Variants in ARIH1 observed in about 807,000 individuals in gnomAD.
ARIH1 encodes E3 ubiquitin-protein ligase ARIH1.
In ARIH1, 8 loss-of-function variants were observed where a neutral mutation model predicts 85.0. That is an observed-to-expected ratio of 0.09 (90% CI 0.06 to 0.17). The LOEUF (loss-of-function observed/expected upper bound fraction) is 0.17. ARIH1 is among the 10% of genes least tolerant of loss of function. The probability of loss-of-function intolerance (pLI) is 1.00; values close to 1 mark genes in which losing one functional copy is unlikely to be tolerated. For synonymous variants in ARIH1, 238 were observed against 253.6 expected (o/e 0.94, Z 0.59); for missense variants, 311 against 718.1 (o/e 0.43, Z 6.48).
intron 3 of ARIH1, among the ~76,000 whole-genome samples, chr15:72,551,848 A>G (rs1297540549): frequency 6.6e-6 from 1 of 152,234 alleles, no homozygotes; most frequent in South Asian, 2.1e-4. Flanking sequence ...CAGAAAAAGA[A>G]ATATACAGTG....
intron 1 of ARIH1, among the ~76,000 whole-genome samples, chr15:72,495,218 G>A (rs1041476689): frequency 3.9e-5 from 6 of 152,134 alleles, no homozygotes; most frequent in Non-Finnish European, 8.8e-5. Flanking sequence ...GAGGCTGAGT[G>A]GGGGAAATGG....
chr15:72,532,711 A>G (rs2064063187), intron 2 of ARIH1, among the ~76,000 whole-genome samples: 1 of 152,230 alleles, frequency 6.6e-6, no homozygotes, highest in Non-Finnish European at 1.5e-5. Flanking sequence ...ATATTAGCAA[A>G]TTGAATTCAG....
intron 2 of ARIH1, among the ~76,000 whole-genome samples, chr15:72,529,504 CA>C (rs1243733509): frequency 2.0e-5 from 3 of 152,164 alleles, no homozygotes; most frequent in Non-Finnish European, 2.9e-5. Flanking sequence ...TGCACCCTGC[CA>C]GGAATTTTTT....
intron 2 of ARIH1, among the ~76,000 whole-genome samples, chr15:72,523,422 G>T (rs779604575): frequency 6.6e-6 from 1 of 152,010 alleles, no homozygotes; most frequent in Non-Finnish European, 1.5e-5. Context: ...CCACCTATGT[G>T]ACACTCTGGA....
chr15:72,486,094 T>A (rs2063836448), intron 1 of ARIH1, among the ~76,000 whole-genome samples: 1 of 152,232 alleles, frequency 6.6e-6, no homozygotes, highest in Non-Finnish European at 1.5e-5. Context: ...AGTTTCTTTC[T>A]AAATTTTTAA....
chr15:72,521,212 C>T (rs1422859356), intron 2 of ARIH1, among the ~76,000 whole-genome samples: 1 of 78,034 alleles, frequency 1.3e-5, no homozygotes, highest in Non-Finnish European at 2.5e-5. Flanking sequence ...CCCCCCCCCC[C>T]CTTTTCTGGC....
chr15:72,556,724 C>A (rs1474616429), intron 5 of ARIH1, among the ~76,000 whole-genome samples: 1 of 152,186 alleles, frequency 6.6e-6, no homozygotes, highest in East Asian at 1.9e-4. Flanking sequence ...CCCACCCTAC[C>A]CACTCTAGTA....
At chr15:72,566,301 AATT>A (rs2064220652) in intron 7 of ARIH1, 4 of 427,574 alleles carry the variant, frequency 9.4e-6, no homozygotes, top group Non-Finnish European at 1.7e-5. Context: ...CCTTAGCAAC[AATT>A]ATTATGAAAT....
rs72735178 is a variant in ARIH1, at chr15:72,567,312, T to C, written c.1026+135T>C. On this transcript the variant is annotated intron_variant, in intron 9 of 13. Transcript: ENST00000379887. Reference sequence around the variant, plus strand: ...TCTCCATTGAGTCTTTTTTTTTTTTTCCCAGAATGTTTGCCTGTTATTTCC... The same window carrying C: ...TCTCCATTGAGTCTTTTTTTTTTTTCCCCAGAATGTTTGCCTGTTATTTCC... The C allele has an allele frequency of 3.0e-3, 1,922 of 640,694 alleles. 6 individuals carry two copies. The highest frequency in any genetic ancestry group is 4.1e-3 in the Non-Finnish European group (1,557 of 381,562). 39.7% of individuals were successfully genotyped at this position (640,694 alleles called of 1,614,324 possible).
intron 3 of ARIH1, among the ~76,000 whole-genome samples, chr15:72,553,258 ATAT>A (rs1487443985): frequency 7.2e-5 from 11 of 152,290 alleles, no homozygotes; most frequent in East Asian, 1.9e-4. Context: ...AGATCATCTA[ATAT>A]TATTTAAAGT....
Position 72,580,861 on chromosome 15 carries a change from A to G in ARIH1, c.1346A>G (p.Asn449Ser). 6.2e-7 allele frequency: 1 copy of G among 1,614,164 alleles called. No homozygotes were observed. Among genetic ancestry groups the G allele is most frequent in the Non-Finnish European group, 8.5e-7 (1 of 1,180,008 alleles). ...KQKMEEMQQH[N>S]MSWIEVQFLK... ...AAAATGGAGGAGATGCAGCAGCACA[A>G]CATGTCCTGGATTGAGGTGCAGTTC... Residue 449 changes from asparagine to serine, a missense_variant, in exon 12 of 14, where the codon AAC (asparagine) becomes AGC (serine). Transcript: ENST00000379887.
intron 2 of ARIH1, among the ~76,000 whole-genome samples, chr15:72,541,833 T>C (rs2064108693): frequency 6.6e-6 from 1 of 152,184 alleles, no homozygotes; most frequent in African/African-American, 2.4e-5. Flanking sequence ...GTAGTCCTCA[T>C]GGGGTTTACA....
chr15:72,519,480 T>G (rs1485730781), intron 2 of ARIH1, among the ~76,000 whole-genome samples: 4 of 126,474 alleles, frequency 3.2e-5, no homozygotes, highest in African/African-American at 6.3e-5. Flanking sequence ...TTTTTGTTTT[T>G]TTTTTTTTTT....
chr15:72,543,623 G>T (rs1310635524), intron 2 of ARIH1, among the ~76,000 whole-genome samples: 1 of 152,064 alleles, frequency 6.6e-6, no homozygotes, highest in African/African-American at 2.4e-5. Context: ...TTTTCTGGAG[G>T]TACAGTAAGA....
Position 72,594,821 on chromosome 15 carries a change from T to TTTTTTTTTTTTTTTTTTG in ARIH1, c.*11531_*11548dup, listed in dbSNP as rs2064357286. The TTTTTTTTTTTTTTTTTTG allele has an allele frequency of 7.3e-6, 1 of 137,508 alleles. No individual in the cohort carries two copies. The highest frequency in any genetic ancestry group is 2.7e-5 in the African/African-American group (1 of 36,620). 8.5% of individuals were successfully genotyped at this position (137,508 alleles called of 1,614,324 possible). ...TTTATGCCTTTTCTTCTTTTTTTTT[T>TTTTTTTTTTTTTTTTTTG]TTTTTTTTTTTTTTTTTGTCTTTCT... On this transcript the variant is annotated 3_prime_UTR_variant, in exon 14 of 14. Coordinates refer to ENST00000379887, the MANE Select transcript of ARIH1 (RefSeq NM_005744.5).
chr15:72,522,876 CAAAT>C (rs2064006595), intron 2 of ARIH1, among the ~76,000 whole-genome samples: 1 of 152,098 alleles, frequency 6.6e-6, no homozygotes. Context: ...ATACAGATGG[CAAAT>C]AAATGAAAAG....
At chr15:72,524,421 G>A (rs2064017781) in intron 2 of ARIH1, among the ~76,000 whole-genome samples, 1 of 149,268 alleles carries the variant, frequency 6.7e-6, no homozygotes, top group Admixed American at 6.7e-5. Context: ...TGCCATGTTG[G>A]CCAGGCTGGT....
rs529753579 is a variant in ARIH1, at chr15:72,592,871, T to C, written c.*9579T>C. 1.3e-5 allele frequency: 2 copies of C among 152,226 alleles called. No homozygotes were observed. Among genetic ancestry groups the C allele is most frequent in the Non-Finnish European group, 2.9e-5 (2 of 68,028 alleles). 9.4% of individuals were successfully genotyped at this position (152,226 alleles called of 1,614,324 possible). On this transcript the variant is annotated 3_prime_UTR_variant, in exon 14 of 14. Coordinates refer to ENST00000379887, the MANE Select transcript of ARIH1 (RefSeq NM_005744.5). ...ATTATGAATAAGGATGCTATCGATA[T>C]TCTTACACAGCCTTTTGTTTTTGTT... is the stretch of plus-strand genomic sequence containing the variant.
At chr15:72,533,515 T>C (rs538331128) in intron 2 of ARIH1, among the ~76,000 whole-genome samples, 1 of 152,362 alleles carries the variant, frequency 6.6e-6, no homozygotes, top group South Asian at 2.1e-4. Flanking sequence ...AGGTAAATTG[T>C]TAGAATAAAT....
Sources: gnomAD v4.1 joint callset for allele counts (sites outside exome capture counted in the v4.1 genomes callset) on GRCh38, gnomAD v4.1.1 for gene constraint, MANE v1.5 for transcripts, NCBI Gene and HGNC (gene_info 2026-07-23, HGNC 2026-07-21) for gene names.